Variants in CENPF observed in about 807,000 individuals in gnomAD.
The protein encoded by CENPF is AH antigen.
In CENPF, 214 loss-of-function variants were observed where a neutral mutation model predicts 307.3. The ratio of observed to expected loss-of-function variants is 0.70; its 90% CI spans 0.62 to 0.78. The LOEUF (loss-of-function observed/expected upper bound fraction) is 0.78, where lower values mean the gene tolerates loss of function less well. Ranked by LOEUF, CENPF falls within the 30% of genes least tolerant of loss-of-function variation. The pLI, the probability that CENPF is intolerant of heterozygous loss-of-function variation, is 0.00. For missense variants in CENPF, 3,401 were observed against 3,483.9 expected (o/e 0.98, Z 0.60); for synonymous variants, 1,259 against 1,270.6 (o/e 0.99, Z 0.19).
Position 214,657,359 on chromosome 1 carries a change from C to T in CENPF, c.8912C>T (p.Thr2971Met), listed in dbSNP as rs773035714. 3.3e-5 allele frequency: 54 copies of T among 1,612,278 alleles called. No homozygotes were observed. The highest frequency in any genetic ancestry group is 2.1e-4 in the South Asian group (19 of 91,082). ...AGTGGTATTCACCCTGCAGAAGACACGGAAGGTACTGAGTTTGAGCCAGAG... is the reference window on the plus strand; with the variant it reads ...AGTGGTATTCACCCTGCAGAAGACATGGAAGGTACTGAGTTTGAGCCAGAG... ...VMSGIHPAED[T>M]EGTEFEPEGL... The change falls in exon 18 of 20, where the codon ACG becomes ATG. Residue 2971 changes from threonine (T) to methionine (M), a missense_variant. By Grantham distance (81) the Thr-to-Met change is moderately conservative. Transcript: ENST00000366955.
At position 214,663,768 on chromosome 1, in the gene CENPF, G is replaced by A. The variant is rs549352742; in HGVS notation, c.9319G>A (p.Gly3107Ser). 8 of 1,614,040 alleles carry A rather than the reference G, an allele frequency of 5.0e-6. No individual in the cohort carries two copies. Among genetic ancestry groups the A allele is most frequent in the African/African-American group, 1.3e-5 (1 of 75,054 alleles). Residue 3107 changes from glycine to serine, a missense_variant, in exon 20 of 20, where the codon GGC becomes AGC. Transcript: ENST00000366955. ...CCCCAAAGCTGGACTGGAGTCCAAC[G>A]GCAGTGAGAACTGTAAGGTCCAGTG... ...PSPKAGLESN[G>S]SENCKVQ
At chr1:214,609,131 G>T (rs954494550) in intron 1 of CENPF, among the ~76,000 whole-genome samples, 1 of 151,706 alleles carries the variant, frequency 6.6e-6, no homozygotes, top group African/African-American at 2.4e-5. Flanking sequence ...GCGCCTGGCC[G>T]CCTGCCCGTG....
chr1:214,648,040 C>T, intron 13 of CENPF: 1 of 453,822 alleles, frequency 2.2e-6, no homozygotes. Flanking sequence ...GCCCAGTGAG[C>T]TTACTTAGTG....
Position 214,645,438 on chromosome 1 carries a change from C to T in CENPF, c.5868C>T (p.Val1956=). 1 of 1,613,682 alleles carries T rather than the reference C, an allele frequency of 6.2e-7. No individual in the cohort carries two copies. The highest frequency in any genetic ancestry group is 8.5e-7 in the Non-Finnish European group (1 of 1,179,906). The change falls in exon 13 of 20, where the codon GTC becomes GTT. Residue 1956 remains valine (V), a synonymous_variant. Coordinates refer to ENST00000366955, the MANE Select transcript of CENPF (RefSeq NM_016343.4). The part of the protein sequence containing the change: ...IVCLEEELSV[V]TSERNQLRGE... ...GCCTTGAAGAAGAACTCTCAGTGGTCACAAGTGAGAGAAACCAGCTTCGTG... is the reference window on the plus strand; with the variant it reads ...GCCTTGAAGAAGAACTCTCAGTGGTTACAAGTGAGAGAAACCAGCTTCGTG...
Position 214,646,765 on chromosome 1 carries a change from A to G in CENPF, c.7195A>G (p.Asn2399Asp). 6.2e-7 allele frequency: 1 copy of G among 1,613,218 alleles called. No homozygotes were observed. Among genetic ancestry groups the G allele is most frequent in the South Asian group, 1.1e-5 (1 of 90,936 alleles). ...TIRSEKENLT[N>D]ELQKEQERIS... The stretch of plus-strand genomic sequence containing the variant: ...AAGGTCAGAAAAAGAAAATCTGACA[A>G]ATGAATTACAAAAAGAGCAAGAGCG... The change falls in exon 13 of 20, where the codon AAT becomes GAT. Residue 2399 changes from asparagine (N) to aspartate (D), a missense_variant. By Grantham distance (23) the Asn-to-Asp change is conservative. Coordinates refer to ENST00000366955, the MANE Select transcript of CENPF (RefSeq NM_016343.4).
At position 214,663,619 on chromosome 1, in the gene CENPF, A is replaced by AT; in HGVS notation, c.9172dup (p.Ser3058PhefsTer17). 1 of 1,614,088 alleles carries AT rather than the reference A, an allele frequency of 6.2e-7. No homozygotes were observed. The highest frequency in any genetic ancestry group is 8.5e-7 in the Non-Finnish European group (1 of 1,180,016). On this transcript the variant is annotated frameshift_variant, in exon 20 of 20. Coordinates refer to ENST00000366955, the MANE Select transcript of CENPF (RefSeq NM_016343.4). LOFTEE classifies it low-confidence loss of function (END_TRUNC). Reference sequence around the variant, plus strand: ...AAAGTTGCTCAGCGGAGCCCAGTAGATTCAGGCACCATCCTCCGAGAACCC... The same window carrying AT: ...AAAGTTGCTCAGCGGAGCCCAGTAGATTTCAGGCACCATCCTCCGAGAACCC...
rs1658844932 is a variant in CENPF at position 214,663,709 on chromosome 1, G to T, written c.9260G>T (p.Gly3087Val). 2 of 1,613,936 alleles carry T rather than the reference G, an allele frequency of 1.2e-6. No homozygotes were observed. Among genetic ancestry groups the T allele is most frequent in the African/African-American group, 2.7e-5 (2 of 74,882 alleles). Residue 3087 changes from glycine to valine, a missense_variant, in exon 20 of 20, where the codon GGC (glycine) becomes GTC (valine). By Grantham distance (109) the Gly-to-Val change is moderately radical. Coordinates refer to ENST00000366955, the MANE Select transcript of CENPF (RefSeq NM_016343.4). The part of the protein sequence containing the change: ...ERSPTDSPRE[G>V]LRVKRGRLVP... Reference sequence around the variant, plus strand: ...AGTCCGACTGACAGCCCCAGAGAGGGCCTGAGGGTCAAGCGAGGCCGACTT... The same window carrying T: ...AGTCCGACTGACAGCCCCAGAGAGGTCCTGAGGGTCAAGCGAGGCCGACTT...
At position 214,622,295 on chromosome 1, in the gene CENPF, C is replaced by T. The variant is rs752134282; in HGVS notation, c.1068+14C>T. On this transcript the variant is annotated intron_variant, in intron 7 of 19. Transcript: ENST00000366955. Reference sequence around the variant, plus strand: ...GCGTCAACCAAGGTACTTGACTTTTCGTGAATTACTGGAGAAATCTTCATC... The same window carrying T: ...GCGTCAACCAAGGTACTTGACTTTTTGTGAATTACTGGAGAAATCTTCATC... The T allele has an allele frequency of 3.8e-6, 6 of 1,574,504 alleles. No individual in the cohort carries two copies. Among genetic ancestry groups the T allele is most frequent in the East Asian group, 2.2e-5 (1 of 44,502 alleles).
intron 2 of CENPF, among the ~76,000 whole-genome samples, chr1:214,614,316 G>T (rs565606162): frequency 1.8e-4 from 27 of 152,158 alleles, no homozygotes; most frequent in African/African-American, 6.3e-4. Context: ...AGAGCATTTT[G>T]CAGTTAAATG....
chr1:214,626,030 A>T (rs1182138417), intron 7 of CENPF, among the ~76,000 whole-genome samples: 1 of 152,154 alleles, frequency 6.6e-6, no homozygotes, highest in Non-Finnish European at 1.5e-5. Flanking sequence ...TATATATATA[A>T]AATCATTGCT....
At chr1:214,632,380 C>T (rs761757066) in intron 9 of CENPF, 100 bp from the exon 10 acceptor site, 8 of 1,262,452 alleles carry the variant, frequency 6.3e-6, no homozygotes, top group Non-Finnish European at 8.9e-6. Flanking sequence ...AGATGGCATC[C>T]ATTTTGATAT....
intron 1 of CENPF, chr1:214,613,209 A>G (rs1394735866): frequency 1.2e-5 from 3 of 245,224 alleles, no homozygotes; most frequent in Non-Finnish European, 2.5e-5. Flanking sequence ...TTAAGGCTGT[A>G]TACTTGATTT....
At position 214,618,701 on chromosome 1, in the gene CENPF, C is replaced by T. The variant is rs1657426199; in HGVS notation, c.481+7C>T. The T allele has an allele frequency of 6.2e-7, 1 of 1,610,454 alleles. No homozygotes were observed. Among genetic ancestry groups the T allele is most frequent in the Admixed American group, 1.7e-5 (1 of 59,192 alleles). On this transcript the variant is annotated splice_region_variant and intron_variant, in intron 4 of 19. Coordinates refer to ENST00000366955, the MANE Select transcript of CENPF (RefSeq NM_016343.4). ...CCAAGTCAATATTATAGTGGTAATG[C>T]ATTTTCTTCCTTGGTATAGACAGCT...
chr1:214,645,608 C>T lies in CENPF; in HGVS notation c.6038C>T (p.Thr2013Met), dbSNP rs150986314. Residue 2013 changes from threonine (T) to methionine (M), a missense_variant, in exon 13 of 20, where the codon ACG becomes ATG. Physicochemically the swap from Thr to Met is moderately conservative, Grantham distance 81. Coordinates refer to ENST00000366955, the MANE Select transcript of CENPF (RefSeq NM_016343.4). ...GCAGAGGCAGAGGTGAAGGAAAAGA[C>T]GGAACTCCTTCAGACTTTGTCCTCT... is the stretch of plus-strand genomic sequence containing the variant. The part of the protein sequence containing the change: ...QVAEAEVKEK[T>M]ELLQTLSSDV... 2.4e-4 allele frequency: 387 copies of T among 1,613,964 alleles called. No homozygotes were observed. The highest frequency in any genetic ancestry group is 2.9e-4 in the Non-Finnish European group (339 of 1,180,014).
chr1:214,644,590 T>C lies in CENPF; in HGVS notation c.5020T>C (p.Ser1674Pro), dbSNP rs778653755. 28 of 1,609,822 alleles carry C rather than the reference T, an allele frequency of 1.7e-5. No individual in the cohort carries two copies. The highest frequency in any genetic ancestry group is 2.7e-5 in the African/African-American group (2 of 74,684). Reference protein sequence around the residue: ...IQGRNESCDISKEHTSETTER... With the variant: ...IQGRNESCDIPKEHTSETTER... ...AGGCCGAAATGAGAGCTGTGACATA[T>C]CAAAAGAACATACTTCAGAAACTAC... The change falls in exon 13 of 20, where the codon TCA becomes CCA. Residue 1674 changes from serine (S) to proline (P), a missense_variant. By Grantham distance (74) the Ser-to-Pro change is moderately conservative. Transcript: ENST00000366955.
At chr1:214,653,059 G>A in intron 16 of CENPF, 70 bp downstream of exon 16, 1 of 1,340,136 alleles carries the variant, frequency 7.5e-7, no homozygotes, top group Non-Finnish European at 1.1e-6. Flanking sequence ...TAATGGTATA[G>A]CATTAAACGT....
intron 6 of CENPF, among the ~76,000 whole-genome samples, chr1:214,621,182 A>C (rs1657494634): frequency 6.6e-6 from 1 of 152,190 alleles, no homozygotes. Context: ...CCTCTAAAGT[A>C]CGTTGAGAGG....
chr1:214,625,276 G>A (rs745999969), intron 7 of CENPF, among the ~76,000 whole-genome samples: 1 of 151,944 alleles, frequency 6.6e-6, no homozygotes, highest in Non-Finnish European at 1.5e-5. Flanking sequence ...GTGCAGAGGC[G>A]TGATCTCAGC....
At chr1:214,639,264 G>C (rs920904497) in intron 11 of CENPF, among the ~76,000 whole-genome samples, 1 of 152,146 alleles carries the variant, frequency 6.6e-6, no homozygotes, top group Non-Finnish European at 1.5e-5. Context: ...CAGAAGACAG[G>C]GGGTAACGGA....
Sources: allele counts gnomAD v4.1 joint callset (sites outside exome capture counted in the v4.1 genomes callset), GRCh38; gene constraint gnomAD v4.1.1; transcripts MANE v1.5; gene names NCBI Gene and HGNC (gene_info 2026-07-23, HGNC 2026-07-21).